Variants in ZNF337 observed in about 807,000 individuals in gnomAD.
ZNF337 encodes zinc finger protein 337.
Under a neutral mutation model 12.1 loss-of-function variants are expected in ZNF337, and 8 were observed. The ratio of observed to expected loss-of-function variants is 0.66; its 90% CI spans 0.39 to 1.19. The LOEUF is 1.19. Ranked by LOEUF, ZNF337 falls within the 50% of genes most tolerant of loss-of-function variation. ZNF337 has a pLI of 0.01. For missense variants in ZNF337, 882 were observed against 896.6 expected (o/e 0.98, Z 0.21); for synonymous variants, 336 against 320.0 (o/e 1.05, Z -0.53).
At position 25,686,406 on chromosome 20, in the gene ZNF337, C is replaced by T; in HGVS notation, c.12G>A (p.Gln4=). 1 of 1,614,122 alleles carries T rather than the reference C, an allele frequency of 6.2e-7. No individual in the cohort carries two copies. Residue 4 remains glutamine, a synonymous_variant, in exon 2 of 5, where the codon CAG becomes CAA. Transcript: ENST00000252979. The part of the protein sequence containing the change: MGP[Q]GARRQAFLAF... ...GAAGTCTCACCTGTCTCCTGGCTCCCTGAGGTCCCATGACTGTCTTCCTGC... is the reference window on the plus strand; with the variant it reads ...GAAGTCTCACCTGTCTCCTGGCTCCTTGAGGTCCCATGACTGTCTTCCTGC...
intron 4 of ZNF337, among the ~76,000 whole-genome samples, chr20:25,679,851 C>T (rs1215061099): frequency 6.6e-6 from 1 of 151,994 alleles, no homozygotes; most frequent in Non-Finnish European, 1.5e-5. Flanking sequence ...GATACCTGTA[C>T]CCCCATGTTA....
In ZNF337 at chr20:25,676,568, C is replaced by A. The variant is rs369090799; in HGVS notation, c.720G>T (p.Val240=). The A allele has an allele frequency of 1.7e-5, 28 of 1,614,098 alleles. No homozygotes were observed. In the African/African-American group the frequency reaches 3.1e-4, roughly 18 times the overall value. The change falls in exon 5 of 5, where the codon GTG becomes GTT. Residue 240 remains valine (V), a synonymous_variant. Transcript: ENST00000252979. ...CCTTGAGGCTGAAGCCTCGCCCACA[C>A]ACACTGCACACATAGGACTTCTCTC... ...HTGEKSYVCS[V]CGRGFSLKAN...
At chr20:25,684,094 A>G (rs1193595682) in intron 4 of ZNF337, among the ~76,000 whole-genome samples, 1 of 151,400 alleles carries the variant, frequency 6.6e-6, no homozygotes, top group Non-Finnish European at 1.5e-5. Flanking sequence ...TCAGCAAACT[A>G]TCTCAAGGAC....
Position 25,686,064 on chromosome 20 carries a change from A to G in ZNF337, c.86T>C (p.Leu29Pro). 6.2e-7 allele frequency: 1 copy of G among 1,614,144 alleles called. No homozygotes were observed. The highest frequency in any genetic ancestry group is 8.5e-7 in the Non-Finnish European group (1 of 1,180,004). ...VDFTQKEWRL[L>P]SPAQRALYRE... Reference sequence around the variant, plus strand: ...GTACAGGGCCCTCTGAGCAGGGCTCAGCAGCCTCCATTCCTTCTGGGTGAA... The same window carrying G: ...GTACAGGGCCCTCTGAGCAGGGCTCGGCAGCCTCCATTCCTTCTGGGTGAA... The change falls in exon 3 of 5, where the codon CTG (leucine) becomes CCG (proline). Residue 29 changes from leucine (L) to proline (P), a missense_variant. Leu to Pro is a moderately conservative substitution (Grantham distance 98, BLOSUM62 -3). Transcript: ENST00000252979.
intron 2 of ZNF337, 125 bp downstream of exon 2, chr20:25,686,266 A>G: frequency 6.8e-7 from 1 of 1,478,264 alleles, no homozygotes. Flanking sequence ...GACGCCAGGA[A>G]AGACAGATCA....
chr20:25,675,606 C>G lies in ZNF337; in HGVS notation c.1682G>C (p.Arg561Thr). ...KSFSLKANLL[R>T]HQWTHSGERP... The stretch of plus-strand genomic sequence containing the variant: ...TTCCCCCGAGTGTGTCCACTGATGT[C>G]TAAGAAGATTTGCCTTCAAACTAAA... The change falls in exon 5 of 5, where the codon AGA becomes ACA. Residue 561 changes from arginine to threonine, a missense_variant. Arg to Thr is a moderately conservative substitution (Grantham distance 71, BLOSUM62 -1). Coordinates refer to ENST00000252979, the MANE Select transcript of ZNF337 (RefSeq NM_015655.4). 1 of 1,613,696 alleles carries G rather than the reference C, an allele frequency of 6.2e-7. No homozygotes were observed. The highest frequency in any genetic ancestry group is 8.5e-7 in the Non-Finnish European group (1 of 1,179,928).
chr20:25,696,802 T>C lies in ZNF337; in HGVS notation c.-93A>G, dbSNP rs937579174. On this transcript the variant is annotated 5_prime_UTR_variant, in exon 1 of 5. Transcript: ENST00000252979. Reference sequence around the variant, plus strand: ...ACCGAGGCGGTGAGGTCACCGATGGTGGACCACGCATCTCACGGCTCGCTG... The same window carrying C: ...ACCGAGGCGGTGAGGTCACCGATGGCGGACCACGCATCTCACGGCTCGCTG... 1.0e-6 allele frequency: 1 copy of C among 985,352 alleles called. No individual in the cohort carries two copies. The highest frequency in any genetic ancestry group is 1.7e-5 in the African/African-American group (1 of 57,242). The allele number at this position is 985,352 out of a possible 1,614,324, so 61.0% of individuals were successfully genotyped here. A position where few individuals can be genotyped will look rare whatever the true frequency, so the allele number is the denominator to read the frequency against.
intron 1 of ZNF337, among the ~76,000 whole-genome samples, chr20:25,693,894 G>C (rs2065900432): frequency 6.6e-6 from 1 of 152,126 alleles, no homozygotes. Context: ...GCTCTAAAAT[G>C]AGCTCTGCGA....
chr20:25,691,775 C>T (rs1179119383), intron 1 of ZNF337, among the ~76,000 whole-genome samples: 4 of 152,140 alleles, frequency 2.6e-5, no homozygotes, highest in Non-Finnish European at 5.9e-5. Flanking sequence ...CTCTAAATTC[C>T]TGAGTGGTCT....
At chr20:25,691,070 AAC>A (rs2065878795) in intron 1 of ZNF337, among the ~76,000 whole-genome samples, 1 of 152,200 alleles carries the variant, frequency 6.6e-6, no homozygotes, top group South Asian at 2.1e-4. Context: ...AAACTCATGA[AAC>A]ACGGGTAGAG....
intron 1 of ZNF337, among the ~76,000 whole-genome samples, chr20:25,688,049 T>C (rs555986833): frequency 2.6e-5 from 4 of 152,364 alleles, no homozygotes; most frequent in Admixed American, 6.5e-5. Context: ...CTGACGGCAG[T>C]TGAAAGGTGA....
chr20:25,676,766 AT>A lies in ZNF337; in HGVS notation c.521del (p.Asn174IlefsTer20). The A allele has an allele frequency of 6.2e-7, 1 of 1,613,914 alleles. No individual in the cohort carries two copies. ...EIDKVLKGIE[N>X]SRWGAFKCAE... ...CACACTTGAATGCTCCCCATCTTGA[AT>A]TTTCTATTCCTTTCAATACTTTGTC... is the stretch of plus-strand genomic sequence containing the variant. On this transcript the variant is annotated frameshift_variant, in exon 5 of 5. Coordinates refer to ENST00000252979, the MANE Select transcript of ZNF337 (RefSeq NM_015655.4). LOFTEE classifies it low-confidence loss of function (END_TRUNC).
Position 25,674,806 on chromosome 20 carries a change from A to T in ZNF337, c.*226T>A, listed in dbSNP as rs2065656017. ...AGAGACCACATTTCCCCAATAGCCC[A>T]GGTAATGCCCTCCCCTCAACTGGCA... On this transcript the variant is annotated 3_prime_UTR_variant, in exon 5 of 5. Coordinates refer to ENST00000252979, the MANE Select transcript of ZNF337 (RefSeq NM_015655.4). The T allele has an allele frequency of 8.7e-6, 5 of 574,988 alleles. No homozygotes were observed. 35.6% of individuals were successfully genotyped at this position (574,988 alleles called of 1,614,324 possible). A position where few individuals can be genotyped will look rare whatever the true frequency, so the allele number is the denominator to read the frequency against.
At chr20:25,685,211 A>C (rs893231922) in intron 4 of ZNF337, among the ~76,000 whole-genome samples, 15 of 152,072 alleles carry the variant, frequency 9.9e-5, no homozygotes, top group African/African-American at 3.6e-4. Flanking sequence ...ATAATTAAAA[A>C]ACAAAACAAA....
intron 1 of ZNF337, among the ~76,000 whole-genome samples, chr20:25,691,751 C>G (rs927222622): frequency 6.6e-6 from 1 of 152,166 alleles, no homozygotes; most frequent in Non-Finnish European, 1.5e-5. Flanking sequence ...GTTGATTTTT[C>G]TGAATAAATG....
intron 1 of ZNF337, among the ~76,000 whole-genome samples, chr20:25,690,104 G>A (rs1399529477): frequency 6.6e-6 from 1 of 151,434 alleles, no homozygotes; most frequent in Non-Finnish European, 1.5e-5. Context: ...TGGGCAACAT[G>A]GCAAAGGCTC....
intron 4 of ZNF337, chr20:25,677,663 AG>A (rs1326312471): frequency 6.6e-6 from 1 of 152,068 alleles, no homozygotes; most frequent in African/African-American, 2.4e-5. Flanking sequence ...CTTTCCAAAT[AG>A]CTAGACTACA....
At position 25,676,591 on chromosome 20, in the gene ZNF337, C is replaced by CT; in HGVS notation, c.696dup (p.Glu233ArgfsTer44). Reference sequence around the variant, plus strand: ...CACACACTGCACACATAGGACTTCTCTCCTGTGTGTGTGTTCTGGTGCAAG... The same window carrying CT: ...CACACACTGCACACATAGGACTTCTCTTCCTGTGTGTGTGTTCTGGTGCAAG... On this transcript the variant is annotated frameshift_variant, in exon 5 of 5. Coordinates refer to ENST00000252979, the MANE Select transcript of ZNF337 (RefSeq NM_015655.4). LOFTEE classifies it low-confidence loss of function (END_TRUNC). 6.2e-7 allele frequency: 1 copy of CT among 1,614,160 alleles called. No homozygotes were observed. The highest frequency in any genetic ancestry group is 2.2e-5 in the East Asian group (1 of 44,874).
At position 25,674,303 on chromosome 20, in the gene ZNF337, C is replaced by T. The variant is rs781634591; in HGVS notation, c.*729G>A. The T allele has an allele frequency of 6.6e-6, 1 of 152,152 alleles. No individual in the cohort carries two copies. The highest frequency in any genetic ancestry group is 1.9e-4 in the East Asian group (1 of 5,188). The allele number at this position is 152,152 out of a possible 1,614,324, so 9.4% of individuals were successfully genotyped here. A position where few individuals can be genotyped will look rare whatever the true frequency, so the allele number is the denominator to read the frequency against. On this transcript the variant is annotated 3_prime_UTR_variant, in exon 5 of 5. Transcript: ENST00000252979. The stretch of plus-strand genomic sequence containing the variant: ...AGTAGGTGCAGTTGTCTGTTGAGGG[C>T]TCATGTCTGTTTCCAAGATGATGCC...
Sources: allele counts gnomAD v4.1 joint callset (sites outside exome capture counted in the v4.1 genomes callset), GRCh38; gene constraint gnomAD v4.1.1; transcripts MANE v1.5; gene names NCBI Gene and HGNC (gene_info 2026-07-23, HGNC 2026-07-21).